Variants in UBE2E3 observed in about 807,000 individuals in gnomAD.
UBE2E3 encodes the protein ubiquitin-conjugating enzyme E2 E3.
UBE2E3 carries 5 observed loss-of-function variants against 23.6 expected under a neutral mutation model. That is an observed-to-expected ratio of 0.21 (90% CI 0.11 to 0.44). The LOEUF is 0.44. Among genes scored for constraint, UBE2E3 ranks in the 20% least tolerant of loss-of-function variants. UBE2E3 has a pLI of 0.99. For synonymous variants in UBE2E3, 78 were observed against 87.5 expected (o/e 0.89, Z 0.60); for missense variants, 81 against 249.8 (o/e 0.32, Z 4.55).
chr2:181,046,925 A>T (rs1330483814), intron 3 of UBE2E3, among the ~76,000 whole-genome samples: 1 of 152,132 alleles, frequency 6.6e-6, no homozygotes, highest in Admixed American at 6.6e-5. Context: ...TAAAAATTAC[A>T]CAGAAAACTA....
At chr2:181,029,061 A>G (rs1482433007) in intron 3 of UBE2E3, among the ~76,000 whole-genome samples, 1 of 152,116 alleles carries the variant, frequency 6.6e-6, no homozygotes, top group Non-Finnish European at 1.5e-5. Flanking sequence ...CATATGGATA[A>G]CTATTTGTTT....
chr2:180,985,323 G>T (rs1684425489), intron 3 of UBE2E3, among the ~76,000 whole-genome samples: 1 of 152,076 alleles, frequency 6.6e-6, no homozygotes, highest in African/African-American at 2.4e-5. Flanking sequence ...GGCCTCTTCA[G>T]TTGTGGCTAG....
In UBE2E3 at chr2:181,054,321, T is replaced by C. The variant is rs79580377; in HGVS notation, c.246-3372T>C. Among the ~76,000 whole-genome samples, 1,194 of 151,996 alleles carry C rather than the reference T, an allele frequency of 7.9e-3. 30 individuals carry two copies. Among genetic ancestry groups the C allele is most frequent in the East Asian group, 0.051 (262 of 5,130 alleles). On this transcript the variant is annotated intron_variant, in intron 3 of 5. Transcript: ENST00000410062. The stretch of plus-strand genomic sequence containing the variant: ...AGATGCATAAAAATGAATCTAGATA[T>C]TTTGCATTTCCTGTACCATTTTGTA...
chr2:180,981,393 T>G (rs1684288079), intron 1 of UBE2E3: 1 of 152,232 alleles, frequency 6.6e-6, no homozygotes, highest in African/African-American at 2.4e-5. Flanking sequence ...AAGGTGCAGT[T>G]TGAATTCTGC....
In UBE2E3 at chr2:181,049,790, G is replaced by A. The variant is rs1380971418; in HGVS notation, c.246-7903G>A. On this transcript the variant is annotated intron_variant, in intron 3 of 5. Transcript: ENST00000410062. The stretch of plus-strand genomic sequence containing the variant: ...AGTTATTAATTCTTCAATGAAGATG[G>A]TTTTGCAGACTGAATTTATGTGTAT... Among the ~76,000 whole-genome samples the A allele has an allele frequency of 3.9e-5, 6 of 152,012 alleles. No individual in the cohort carries two copies. In the East Asian group the frequency reaches 1.2e-3, roughly 29 times the overall value.
chr2:180,987,642 T>C lies in UBE2E3; in HGVS notation c.245+3549T>C, dbSNP rs796465868. Among the ~76,000 whole-genome samples, 4 of 152,138 alleles carry C rather than the reference T, an allele frequency of 2.6e-5. No individual in the cohort carries two copies. In the South Asian group the frequency reaches 8.3e-4, roughly 32 times the overall value. ...AGATCAGGTGATTTCGTTGACTTTCTTCTTTAAAAATAAAAAAATAATGAA... is the reference window on the plus strand; with the variant it reads ...AGATCAGGTGATTTCGTTGACTTTCCTCTTTAAAAATAAAAAAATAATGAA... On this transcript the variant is annotated intron_variant, in intron 3 of 5. Transcript: ENST00000410062.
intron 2 of UBE2E3, 77 bp from the exon 3 acceptor site, chr2:180,983,961 TGGTGG>T (rs1364367399): frequency 9.2e-7 from 1 of 1,090,276 alleles, no homozygotes; most frequent in Non-Finnish European, 1.3e-6. Context: ...TTTAACTGCA[TGGTGG>T]TAGAGGGCAG....
At chr2:180,982,677 A>G (rs893199508) in intron 2 of UBE2E3, among the ~76,000 whole-genome samples, 79 of 152,264 alleles carry the variant, frequency 5.2e-4, no homozygotes, top group Non-Finnish European at 3.1e-4. Flanking sequence ...AAAATTTGCA[A>G]ATTCAGGCCT....
intron 3 of UBE2E3, among the ~76,000 whole-genome samples, chr2:181,029,384 A>C (rs1428707221): frequency 6.6e-6 from 1 of 152,136 alleles, no homozygotes; most frequent in Non-Finnish European, 1.5e-5. Context: ...TTAGAAGTAG[A>C]ATTCTTAAAA....
chr2:180,997,736 T>C (rs1684869253), intron 3 of UBE2E3, among the ~76,000 whole-genome samples: 1 of 152,204 alleles, frequency 6.6e-6, no homozygotes, highest in Non-Finnish European at 1.5e-5. Context: ...AAGTATTGTT[T>C]CCTATTACCT....
intron 3 of UBE2E3, among the ~76,000 whole-genome samples, chr2:181,035,226 C>G (rs1308036282): frequency 6.6e-6 from 1 of 152,000 alleles, no homozygotes; most frequent in Non-Finnish European, 1.5e-5. Flanking sequence ...AAAGTAAAAC[C>G]TACACCTATT....
chr2:180,993,390 T>G (rs1260044738), intron 3 of UBE2E3, among the ~76,000 whole-genome samples: 1 of 152,214 alleles, frequency 6.6e-6, no homozygotes, highest in East Asian at 1.9e-4. Context: ...TTTTTGCTGC[T>G]TTAGTGTTCC....
At chr2:181,011,266 T>C (rs1685319239) in intron 3 of UBE2E3, among the ~76,000 whole-genome samples, 7 of 152,042 alleles carry the variant, frequency 4.6e-5, no homozygotes, top group Admixed American at 3.9e-4. Context: ...GGCAGGACCT[T>C]CTTTCTAGGA....
intron 3 of UBE2E3, among the ~76,000 whole-genome samples, chr2:181,044,961 CAG>C (rs1686627245): frequency 6.6e-6 from 1 of 152,080 alleles, no homozygotes; most frequent in African/African-American, 2.4e-5. Context: ...AATTTAAAGT[CAG>C]AGAACTTACT....
intron 3 of UBE2E3, among the ~76,000 whole-genome samples, chr2:181,033,039 C>G (rs956646606): frequency 6.6e-6 from 1 of 152,130 alleles, no homozygotes; most frequent in African/African-American, 2.4e-5. Flanking sequence ...AGGACACAAA[C>G]AAATGGAAGA....
chr2:180,989,774 C>T (rs1684599184), intron 3 of UBE2E3: 3 of 1,202,984 alleles, frequency 2.5e-6, no homozygotes, highest in African/African-American at 3.0e-5. Flanking sequence ...GTTTACTTCG[C>T]AGCTACATGC....
intron 3 of UBE2E3, among the ~76,000 whole-genome samples, chr2:181,013,779 T>G (rs1685401833): frequency 6.6e-6 from 1 of 152,288 alleles, no homozygotes; most frequent in South Asian, 2.1e-4. Context: ...TTCTGCTGCT[T>G]TTGTTGGAGG....
intron 3 of UBE2E3, among the ~76,000 whole-genome samples, chr2:180,999,555 G>A (rs921803072): frequency 9.9e-5 from 15 of 151,996 alleles, no homozygotes; most frequent in Admixed American, 7.2e-4. Flanking sequence ...TCCCAGCGGC[G>A]TATGAGGGTT....
intron 3 of UBE2E3, among the ~76,000 whole-genome samples, chr2:181,017,312 G>T (rs112158074): frequency 0.011 from 1,618 of 152,276 alleles, 22 homozygotes; most frequent in African/African-American, 0.037. Context: ...AGGGGCCAGT[G>T]GGACGAGTTT....
Sources: allele counts gnomAD v4.1 joint callset (sites outside exome capture counted in the v4.1 genomes callset), GRCh38; gene constraint gnomAD v4.1.1; transcripts MANE v1.5; gene names NCBI Gene and HGNC (gene_info 2026-07-23, HGNC 2026-07-21).